Variants in GCAT observed in about 807,000 individuals in gnomAD.
GCAT encodes the protein 2-amino-3-ketobutyrate coenzyme A ligase, mitochondrial.
In GCAT, 26 loss-of-function variants were observed where a neutral mutation model predicts 39.7. The ratio of observed to expected loss-of-function variants is 0.65; its 90% CI spans 0.48 to 0.91. The LOEUF is 0.91. Ranked by LOEUF, GCAT falls within the 40% of genes least tolerant of loss-of-function variation. GCAT has a pLI of 0.00. For missense variants in GCAT, 550 were observed against 576.2 expected, an observed-to-expected ratio of 0.95 and a Z score of 0.47; for synonymous variants, 218 against 237.2, an observed-to-expected ratio of 0.92 and a Z score of 0.74.
chr22:37,815,636 T>TC, intron 6 of GCAT, 27 bp from the exon 7 acceptor site: 1 of 1,553,122 alleles, frequency 6.4e-7, no homozygotes, highest in Non-Finnish European at 8.9e-7. Context: ...GACCAACCCC[T>TC]CCCCCCACCT....
intron 1 of GCAT, among the ~76,000 whole-genome samples, chr22:37,809,269 T>C (rs1261294986): frequency 6.6e-6 from 1 of 152,236 alleles, no homozygotes; most frequent in Non-Finnish European, 1.5e-5. Context: ...TCTGGCTGTT[T>C]GCTCCTAAGG....
At position 37,816,733 on chromosome 22, in the gene GCAT, C is replaced by A. The variant is rs372707100; in HGVS notation, c.*15C>A. ...CACTGCCCTGAGCTCTGGGTAAGGA[C>A]GAGAAGAGCCAAGGTCCGCCTACTG... On this transcript the variant is annotated 3_prime_UTR_variant, in exon 9 of 9. Coordinates refer to ENST00000248924, the MANE Select transcript of GCAT (RefSeq NM_014291.4). 2 of 1,613,270 alleles carry A rather than the reference C, an allele frequency of 1.2e-6. No homozygotes were observed.
rs560687011 is a variant in GCAT, at chr22:37,811,791, G to A, written c.328-1096G>A. Reference sequence around the variant, plus strand: ...ATACAAAAATTAGCTGGCCGGGCTCGCTTGAACCCATGAGGCAGGGGTTGC... The same window carrying A: ...ATACAAAAATTAGCTGGCCGGGCTCACTTGAACCCATGAGGCAGGGGTTGC... On this transcript the variant is annotated intron_variant, in intron 2 of 8. Transcript: ENST00000248924. 5.9e-4 allele frequency among the ~76,000 whole-genome samples: 87 copies of A among 148,492 alleles called. 1 individual carries two copies. Among genetic ancestry groups the A allele is most frequent in the South Asian group, 1.5e-3 (7 of 4,716 alleles).
In GCAT at chr22:37,815,722, T is replaced by G. The variant is rs372287901; in HGVS notation, c.874T>G (p.Tyr292Asp). Residue 292 changes from tyrosine to aspartate, a missense_variant, in exon 7 of 9, where the codon TAC becomes GAC. Coordinates refer to ENST00000248924, the MANE Select transcript of GCAT (RefSeq NM_014291.4). ...VSLLRQRARPYLFSNSLPPAV... is the reference protein window; with the variant it reads ...VSLLRQRARPDLFSNSLPPAV... ...CCTGCTGCGGCAGCGCGCCCGGCCA[T>G]ACCTCTTCTCCAACAGTCTGCCACC... 9.5e-5 allele frequency: 154 copies of G among 1,613,608 alleles called. No individual in the cohort carries two copies. Among genetic ancestry groups the G allele is most frequent in the Non-Finnish European group, 1.3e-4 (153 of 1,179,934 alleles).
chr22:37,815,976 C>T, intron 7 of GCAT, 142 bp downstream of exon 7: 1 of 1,020,808 alleles, frequency 9.8e-7, no homozygotes, highest in Non-Finnish European at 1.4e-6. Flanking sequence ...GTCCCTGCCT[C>T]TCCCCTCTAG....
At chr22:37,811,480 CAA>C (rs59876225) in intron 2 of GCAT, among the ~76,000 whole-genome samples, 327 of 46,786 alleles carry the variant, frequency 7.0e-3, no homozygotes, top group Non-Finnish European at 7.8e-3. Context: ...GACTCTGTCT[CAA>C]AAAAAAAAAA....
chr22:37,815,156 G>A lies in GCAT; in HGVS notation c.607G>A (p.Gly203Arg), dbSNP rs1199959656. Residue 203 changes from glycine to arginine, a missense_variant, in exon 5 of 9, where the codon GGG becomes AGG. Around this residue, in one of 3 missense-constraint regions of GCAT, gnomAD observed 378 missense variants for 390.4 expected, o/e 0.97. Transcript: ENST00000248924. ...TCGGCTGCGCCTGGTGGCCACTGATGGGGCCTTTTCCATGGATGGCGACAT... is the reference window on the plus strand; with the variant it reads ...TCGGCTGCGCCTGGTGGCCACTGATAGGGCCTTTTCCATGGATGGCGACAT... ...KHRLRLVATD[G>R]AFSMDGDIAP... The A allele has an allele frequency of 1.9e-6, 3 of 1,613,914 alleles. No homozygotes were observed. The highest frequency in any genetic ancestry group is 2.5e-6 in the Non-Finnish European group (3 of 1,180,016).
At chr22:37,816,396 A>G (rs956663734) in intron 8 of GCAT, 75 bp downstream of exon 8, 1 of 1,564,860 alleles carries the variant, frequency 6.4e-7, no homozygotes, top group Non-Finnish European at 8.7e-7. Context: ...ACTGTGACCC[A>G]GCCCCGTACC....
At chr22:37,813,727 C>T (rs1921864646) in intron 4 of GCAT, 118 bp downstream of exon 4, 1 of 945,186 alleles carries the variant, frequency 1.1e-6, no homozygotes, top group African/African-American at 1.7e-5. Flanking sequence ...GAGATTTGTC[C>T]AAGATGTGAA....
chr22:37,808,191 A>G, intron 1 of GCAT, 28 bp downstream of exon 1: 5 of 1,447,248 alleles, frequency 3.5e-6, no homozygotes, highest in African/African-American at 1.5e-5. Flanking sequence ...GAGTCGTTCC[A>G]AGACCTTTCC....
chr22:37,811,032 C>T (rs1051808681), intron 2 of GCAT, among the ~76,000 whole-genome samples: 1 of 152,192 alleles, frequency 6.6e-6, no homozygotes, highest in Admixed American at 6.5e-5. Context: ...GGCTCTGGGG[C>T]TGTTCTGACG....
intron 3 of GCAT, 194 bp from the exon 4 acceptor site, chr22:37,813,269 C>A (rs1271153141): frequency 1.4e-6 from 1 of 721,178 alleles, no homozygotes; most frequent in East Asian, 2.7e-5. Flanking sequence ...CTCACCTCCT[C>A]TTACTAGAGC....
intron 1 of GCAT, 140 bp from the exon 2 acceptor site, chr22:37,809,887 T>C (rs2285177): frequency 0.3 from 319,737 of 1,083,210 alleles, 49,124 homozygotes; most frequent in East Asian, 0.37. Context: ...CTGTAGCTGT[T>C]GAATTTGGTG....
At position 37,813,361 on chromosome 22, in the gene GCAT, C is replaced by T. The variant is rs753879134; in HGVS notation, c.430-102C>T. The T allele has an allele frequency of 3.9e-5, 50 of 1,285,738 alleles. 1 individual carries two copies. In the South Asian group the frequency reaches 4.5e-4, roughly 11 times the overall value. The allele number at this position is 1,285,738 out of a possible 1,614,324, so 79.6% of individuals were successfully genotyped here. A position where few individuals can be genotyped will look rare whatever the true frequency, so the allele number is the denominator to read the frequency against. ...CACCTTGCCTCTCTACCCAGAGGAG[C>T]GCCCTGGCTGGCAGTACAGTTTTTT... On this transcript the variant is annotated intron_variant, in intron 3 of 8. Transcript: ENST00000248924.
intron 4 of GCAT, 151 bp downstream of exon 4, chr22:37,813,760 C>G (rs1156368073): frequency 1.4e-6 from 1 of 698,968 alleles, no homozygotes; most frequent in African/African-American, 1.8e-5. Flanking sequence ...ACACCCAGAG[C>G]ATTATTCTTT....
rs758410854 is a variant in GCAT at position 37,813,498 on chromosome 22, C to T, written c.465C>T (p.Asp155=). 22 of 1,609,820 alleles carry T rather than the reference C, an allele frequency of 1.4e-5. No homozygotes were observed. Among genetic ancestry groups the T allele is most frequent in the East Asian group, 4.5e-5 (2 of 44,758 alleles). The change falls in exon 4 of 9, where the codon GAC becomes GAT. Residue 155 remains aspartate, a synonymous_variant. Transcript: ENST00000248924. ...CCCCAGAGGACGCAGTCCTGTCGGA[C>T]GAGCTGAACCATGCCTCCATCATCG... ...LLTPEDAVLS[D]ELNHASIIDG...
rs1329409419 is a variant in GCAT, at chr22:37,816,309, A to G, written c.1096A>G (p.Met366Val). The change falls in exon 8 of 9, where the codon ATG becomes GTG. Residue 366 changes from methionine (M) to valine (V), a missense_variant. Met to Val is a conservative substitution (Grantham distance 21, BLOSUM62 1). Transcript: ENST00000248924. Reference protein sequence around the residue: ...ARLASRMADDMLKRGIFVIGF... With the variant: ...ARLASRMADDVLKRGIFVIGF... ...GCTGGCCTCTCGCATGGCGGATGAC[A>G]TGCTGAAGAGAGGTAAGGGTGCTGA... 3.1e-6 allele frequency: 5 copies of G among 1,611,410 alleles called. No individual in the cohort carries two copies. Among genetic ancestry groups the G allele is most frequent in the Admixed American group, 1.7e-5 (1 of 59,986 alleles).
chr22:37,813,978 C>T (rs1431522993), intron 4 of GCAT, among the ~76,000 whole-genome samples: 7 of 152,114 alleles, frequency 4.6e-5, no homozygotes, highest in Non-Finnish European at 8.8e-5. Flanking sequence ...GTTGTCCAGG[C>T]TGGTCTCGAA....
intron 8 of GCAT, 113 bp from the exon 9 acceptor site, chr22:37,816,454 A>T: frequency 6.6e-7 from 1 of 1,517,412 alleles, no homozygotes; most frequent in African/African-American, 1.4e-5. Flanking sequence ...AAGCTTGAAC[A>T]CCCCAAGCCA....
Sources: gnomAD v4.1 joint callset for allele counts (sites outside exome capture counted in the v4.1 genomes callset) on GRCh38, gnomAD v4.1.1 for gene constraint, gnomAD v4.1.1 regional missense constraint, MANE v1.5 for transcripts, NCBI Gene and HGNC (gene_info 2026-07-23, HGNC 2026-07-21) for gene names.